ANGPTL2: variants seen among roughly 807,000 people sequenced by gnomAD.
ANGPTL2 encodes the protein angiopoietin-related protein 2.
ANGPTL2 carries 25 observed loss-of-function variants against 52.8 expected under a neutral mutation model. That is an observed-to-expected ratio of 0.47 (90% confidence interval 0.35 to 0.66). The LOEUF is 0.66. ANGPTL2 is among the 30% of genes least tolerant of loss of function. The probability of loss-of-function intolerance (pLI) is 0.01; values close to 1 mark genes in which losing one functional copy is unlikely to be tolerated. For missense variants in ANGPTL2, 546 were observed against 656.9 expected (o/e 0.83, Z 1.84); for synonymous variants, 276 against 277.4 (o/e 1.00, Z 0.05).
chr9:127,116,540 C>T (rs1178056486), intron 1 of ANGPTL2, among the ~76,000 whole-genome samples: 1 of 152,206 alleles, frequency 6.6e-6, no homozygotes, highest in Non-Finnish European at 1.5e-5. Flanking sequence ...TTGGCTGCTG[C>T]ATTTCCGGCA....
At chr9:127,092,420 C>A (rs2052595792) in intron 3 of ANGPTL2, among the ~76,000 whole-genome samples, 1 of 152,100 alleles carries the variant, frequency 6.6e-6, no homozygotes, top group Non-Finnish European at 1.5e-5. Context: ...GCGCTCCCCT[C>A]TAGGTCTAAA....
chr9:127,097,695 T>TAG (rs1174882093), intron 2 of ANGPTL2, among the ~76,000 whole-genome samples: 1 of 152,222 alleles, frequency 6.6e-6, no homozygotes, highest in Non-Finnish European at 1.5e-5. Context: ...ATATAAATAA[T>TAG]ACTGTGAAAA....
intron 2 of ANGPTL2, among the ~76,000 whole-genome samples, chr9:127,098,462 A>G (rs2053389837): frequency 6.6e-6 from 1 of 152,184 alleles, no homozygotes; most frequent in Non-Finnish European, 1.5e-5. Context: ...TTCCACGTGA[A>G]GAGAAATGCA....
chr9:127,097,842 A>G (rs61152674), intron 2 of ANGPTL2, among the ~76,000 whole-genome samples: 8,947 of 152,228 alleles, frequency 0.059, 884 homozygotes, highest in African/African-American at 0.2. Context: ...CTTGGCTCCA[A>G]TCTCGATGGC....
intron 1 of ANGPTL2, among the ~76,000 whole-genome samples, chr9:127,110,132 C>A (rs2054649808): frequency 6.6e-6 from 1 of 152,218 alleles, no homozygotes; most frequent in Admixed American, 6.5e-5. Context: ...TGCCTGCACT[C>A]ACCATTTCCA....
intron 1 of ANGPTL2, among the ~76,000 whole-genome samples, chr9:127,118,350 G>T (rs537548864): frequency 1.3e-5 from 2 of 152,212 alleles, no homozygotes; most frequent in African/African-American, 4.8e-5. Flanking sequence ...GGCTTCTGAC[G>T]TGACCAGTGT....
chr9:127,103,423 C>T (rs965542522), intron 2 of ANGPTL2, among the ~76,000 whole-genome samples: 2 of 152,226 alleles, frequency 1.3e-5, no homozygotes, highest in African/African-American at 2.4e-5. Context: ...GACATTTATA[C>T]AGTCAGGGCT....
intron 2 of ANGPTL2, among the ~76,000 whole-genome samples, chr9:127,095,886 C>T (rs973754229): frequency 6.6e-6 from 1 of 152,222 alleles, no homozygotes. Context: ...TAGAACCTGA[C>T]GGGAAGGCAG....
At chr9:127,120,421 G>A (rs1459604667) in intron 1 of ANGPTL2, among the ~76,000 whole-genome samples, 1 of 152,156 alleles carries the variant, frequency 6.6e-6, no homozygotes, top group Admixed American at 6.5e-5. Context: ...CCTCTCCTCA[G>A]GCTCCTGGAA....
intron 1 of ANGPTL2, among the ~76,000 whole-genome samples, chr9:127,119,951 C>G (rs150858704): frequency 6.6e-6 from 1 of 152,332 alleles, no homozygotes; most frequent in Non-Finnish European, 1.5e-5. Flanking sequence ...GCTAGAGAAG[C>G]AAATACTTGA....
At chr9:127,120,861 T>C (rs941243227) in intron 1 of ANGPTL2, among the ~76,000 whole-genome samples, 1 of 152,088 alleles carries the variant, frequency 6.6e-6, no homozygotes, top group African/African-American at 2.4e-5. Flanking sequence ...GTCTCTGCTC[T>C]TCCCTTCCCT....
intron 2 of ANGPTL2, among the ~76,000 whole-genome samples, chr9:127,107,711 G>A (rs2137071463): frequency 6.6e-6 from 1 of 152,232 alleles, no homozygotes; most frequent in East Asian, 1.9e-4. Context: ...ATATCTTTGA[G>A]GATCCATCTA....
chr9:127,101,235 T>C (rs79881767), intron 2 of ANGPTL2, among the ~76,000 whole-genome samples: 8,140 of 152,340 alleles, frequency 0.053, 254 homozygotes, highest in Middle Eastern at 0.071. Context: ...TGCACACCGT[T>C]TCATTTCATC....
intron 2 of ANGPTL2, among the ~76,000 whole-genome samples, chr9:127,100,262 A>G (rs895954558): frequency 2.0e-5 from 3 of 152,236 alleles, no homozygotes; most frequent in African/African-American, 7.2e-5. Context: ...TAAAAATTCT[A>G]TTAAATGTGT....
At position 127,108,422 on chromosome 9, in the gene ANGPTL2, C is replaced by A; in HGVS notation, c.310G>T (p.Glu104Ter). 6.2e-7 allele frequency: 1 copy of A among 1,608,544 alleles called. No individual in the cohort carries two copies. Among genetic ancestry groups the A allele is most frequent in the Non-Finnish European group, 8.5e-7 (1 of 1,178,792 alleles). ...NELLKQKRQIETLQQLVEVDG... is the reference protein window; with the variant it reads ...NELLKQKRQI ...ACCTCCACCAGCTGCTGCAGCGTCT[C>A]GATCTGCCGCTTCTGCTTGAGCAGC... is the stretch of plus-strand genomic sequence containing the variant. Residue 104 changes from glutamate to a stop codon, truncating the protein, a stop_gained, in exon 2 of 5, where the codon GAG (glutamate) becomes TAG (stop). Coordinates refer to ENST00000373425, the MANE Select transcript of ANGPTL2 (RefSeq NM_012098.3). LOFTEE classifies it high-confidence loss of function.
At chr9:127,109,725 A>G (rs1248921147) in intron 1 of ANGPTL2, among the ~76,000 whole-genome samples, 1 of 152,226 alleles carries the variant, frequency 6.6e-6, no homozygotes. Context: ...TACCAACAGG[A>G]TGGAGCCAGT....
chr9:127,120,760 G>A (rs1307501880), intron 1 of ANGPTL2, among the ~76,000 whole-genome samples: 2 of 152,084 alleles, frequency 1.3e-5, no homozygotes, highest in African/African-American at 2.4e-5. Context: ...CCCAGCAGGC[G>A]GAGTTTGCAG....
At chr9:127,117,705 T>C (rs1053935900) in intron 1 of ANGPTL2, among the ~76,000 whole-genome samples, 1 of 152,228 alleles carries the variant, frequency 6.6e-6, no homozygotes, top group Non-Finnish European at 1.5e-5. Context: ...CTTGCTTCAT[T>C]GATTCATTCA....
At chr9:127,098,558 C>T (rs2053400069) in intron 2 of ANGPTL2, among the ~76,000 whole-genome samples, 1 of 152,074 alleles carries the variant, frequency 6.6e-6, no homozygotes, top group African/African-American at 2.4e-5. Context: ...CAGGAGGCCT[C>T]CAGAGGAGGG....
Sources: gnomAD v4.1 joint callset for allele counts (sites outside exome capture counted in the v4.1 genomes callset) on GRCh38, gnomAD v4.1.1 for gene constraint, MANE v1.5 for transcripts, NCBI Gene and HGNC (gene_info 2026-07-23, HGNC 2026-07-21) for gene names.